The following AUTS2 variants were observed in gnomAD, a reference collection of about 807,000 sequenced individuals.
AUTS2 encodes autism susceptibility gene 2 protein.
AUTS2 carries 17 observed loss-of-function variants against 112.4 expected under a neutral mutation model. The observed-to-expected ratio is 0.15, with a 90% CI of 0.10 to 0.23. AUTS2 has a LOEUF of 0.23. Among genes scored for constraint, AUTS2 ranks in the 10% least tolerant of loss-of-function variants. AUTS2 has a pLI of 1.00. For synonymous variants in AUTS2, 751 were observed against 702.7 expected (o/e 1.07, Z -1.09); for missense variants, 1,510 against 1,701.6 (o/e 0.89, Z 1.98).
intron 5 of AUTS2, among the ~76,000 whole-genome samples, chr7:70,607,979 C>T (rs554366026): frequency 1.3e-5 from 2 of 152,252 alleles, no homozygotes; most frequent in East Asian, 1.9e-4. Flanking sequence ...TCATATGATA[C>T]GACTCTTCCT....
Position 70,608,286 on chromosome 7 carries a change from G to T in AUTS2, c.691-90283G>T, listed in dbSNP as rs570263993. Among the ~76,000 whole-genome samples, 389 of 151,874 alleles carry T rather than the reference G, an allele frequency of 2.6e-3. 1 individual carries two copies. Among genetic ancestry groups the T allele is most frequent in the African/African-American group, 8.0e-3 (331 of 41,386 alleles). ...ACCCAGCTAATTTTTAATTTTTTTT[G>T]TATAGATGGGGTCTCACTATGTTGC... On this transcript the variant is annotated intron_variant, in intron 5 of 18. Transcript: ENST00000342771.
intron 5 of AUTS2, among the ~76,000 whole-genome samples, chr7:70,673,397 CTCTT>C (rs1293236277): frequency 2.0e-5 from 3 of 149,674 alleles, no homozygotes; most frequent in South Asian, 2.1e-4. Context: ...GACAGGGTCT[CTCTT>C]TGTCTCCCAG....
At chr7:70,497,192 TCACA>T (rs776733837) in intron 5 of AUTS2, among the ~76,000 whole-genome samples, 1 of 44,516 alleles carries the variant, frequency 2.2e-5, no homozygotes, top group Non-Finnish European at 4.4e-5. Context: ...CACACACACC[TCACA>T]CACATGCACA....
intron 5 of AUTS2, among the ~76,000 whole-genome samples, chr7:70,681,524 TA>T (rs386419831): frequency 0.02 from 2,176 of 106,382 alleles, 39 homozygotes; most frequent in East Asian, 0.16. Context: ...TATATATATA[TA>T]TTTTTTTTTT....
chr7:70,566,531 T>C (rs1585310667), intron 5 of AUTS2, among the ~76,000 whole-genome samples: 1 of 152,206 alleles, frequency 6.6e-6, no homozygotes, highest in East Asian at 1.9e-4. Context: ...CTATTAAATA[T>C]TGGAACATTA....
intron 5 of AUTS2, among the ~76,000 whole-genome samples, chr7:70,451,328 A>G (rs1307626191): frequency 1.3e-5 from 2 of 152,220 alleles, no homozygotes; most frequent in Non-Finnish European, 2.9e-5. Context: ...CAATATACCC[A>G]TGTAACAAAC....
intron 6 of AUTS2, among the ~76,000 whole-genome samples, chr7:70,743,791 G>T (rs1788266926): frequency 6.6e-6 from 1 of 152,170 alleles, no homozygotes; most frequent in South Asian, 2.1e-4. Flanking sequence ...GATTTGAAAT[G>T]TGTGCCTGAA....
At position 70,754,167 on chromosome 7, in the gene AUTS2, G is replaced by GAATAA. The variant is rs141707447; in HGVS notation, c.743-8677_743-8673dup. Reference sequence around the variant, plus strand: ...CAGAGCGAGACTCTGTCTCAAAATAGAATAAAATAAAATAAAATAAAATAA... The same window carrying GAATAA: ...CAGAGCGAGACTCTGTCTCAAAATAGAATAAAATAAAATAAAATAAAATAAAATAA... On this transcript the variant is annotated intron_variant, in intron 6 of 18. Coordinates refer to ENST00000342771, the MANE Select transcript of AUTS2 (RefSeq NM_015570.4). 5.3e-3 allele frequency among the ~76,000 whole-genome samples: 799 copies of GAATAA among 150,780 alleles called. 3 individuals are homozygous for GAATAA. The highest frequency in any genetic ancestry group is 7.5e-3 in the African/African-American group (308 of 41,112).
chr7:70,009,274 C>T (rs894643255), intron 2 of AUTS2, among the ~76,000 whole-genome samples: 1 of 152,148 alleles, frequency 6.6e-6, no homozygotes, highest in Non-Finnish European at 1.5e-5. Context: ...AAGGCAGTGA[C>T]CCCACGATCT....
At chr7:70,258,981 G>C (rs1787025066) in intron 4 of AUTS2, among the ~76,000 whole-genome samples, 1 of 152,148 alleles carries the variant, frequency 6.6e-6, no homozygotes, top group South Asian at 2.1e-4. Context: ...GGGCCCTCCA[G>C]AGTCTGGGAG....
At chr7:69,734,538 A>G (rs1488458211) in intron 1 of AUTS2, among the ~76,000 whole-genome samples, 1 of 151,942 alleles carries the variant, frequency 6.6e-6, no homozygotes, top group African/African-American at 2.4e-5. Flanking sequence ...TTGGATTCAT[A>G]CTATGGCTGC....
At chr7:70,714,269 A>G (rs1211999916) in intron 6 of AUTS2, among the ~76,000 whole-genome samples, 1 of 152,226 alleles carries the variant, frequency 6.6e-6, no homozygotes, top group Non-Finnish European at 1.5e-5. Context: ...ACCTAGATTC[A>G]TATTAAGACT....
intron 2 of AUTS2, among the ~76,000 whole-genome samples, chr7:70,083,817 C>G (rs1370316562): frequency 6.6e-6 from 1 of 152,056 alleles, no homozygotes; most frequent in Non-Finnish European, 1.5e-5. Flanking sequence ...TATGTTGGTT[C>G]GTATCTGTAG....
At chr7:69,975,641 C>T (rs542772151) in intron 2 of AUTS2, among the ~76,000 whole-genome samples, 48 of 151,258 alleles carry the variant, frequency 3.2e-4, no homozygotes, top group Non-Finnish European at 6.2e-4. Flanking sequence ...CTTTACTCTC[C>T]TCCACCTGGT....
At chr7:69,882,496 A>G (rs1254535352) in intron 1 of AUTS2, among the ~76,000 whole-genome samples, 3 of 152,186 alleles carry the variant, frequency 2.0e-5, no homozygotes, top group Admixed American at 2.0e-4. Flanking sequence ...AGTTCTGTTC[A>G]CATGAATGAG....
intron 5 of AUTS2, among the ~76,000 whole-genome samples, chr7:70,481,484 G>GGTCCT (rs1797785039): frequency 6.6e-6 from 1 of 152,142 alleles, no homozygotes; most frequent in East Asian, 1.9e-4. Flanking sequence ...CAAGGGAGTA[G>GGTCCT]GTCCTGTCCT....
At chr7:70,555,613 C>G (rs1009460692) in intron 5 of AUTS2, among the ~76,000 whole-genome samples, 1 of 152,164 alleles carries the variant, frequency 6.6e-6, no homozygotes, top group Non-Finnish European at 1.5e-5. Flanking sequence ...GTGACTGAAA[C>G]TGTTTGGCTT....
chr7:69,917,917 A>G (rs1584439281), intron 2 of AUTS2, among the ~76,000 whole-genome samples: 1 of 152,090 alleles, frequency 6.6e-6, no homozygotes, highest in East Asian at 1.9e-4. Context: ...ATCTCGGCTC[A>G]CTGCAACCTC....
chr7:70,747,854 C>G (rs1415406137), intron 6 of AUTS2, among the ~76,000 whole-genome samples: 1 of 151,028 alleles, frequency 6.6e-6, no homozygotes, highest in African/African-American at 2.4e-5. Flanking sequence ...CAGAGTCTCG[C>G]TCTGTCGCCC....
Sources: allele counts gnomAD v4.1 joint callset (sites outside exome capture counted in the v4.1 genomes callset), GRCh38; gene constraint gnomAD v4.1.1; transcripts MANE v1.5; gene names NCBI Gene and HGNC (gene_info 2026-07-23, HGNC 2026-07-21).